The following CHRNA6 variants were observed in gnomAD, a reference collection of about 807,000 sequenced individuals.
CHRNA6 encodes the protein cholinergic receptor nicotinic alpha 6 subunit.
In CHRNA6, 31 loss-of-function variants were observed where a neutral mutation model predicts 40.9. The observed-to-expected ratio is 0.76, with a 90% CI of 0.57 to 1.02. The LOEUF is 1.02. CHRNA6 is among the 50% of genes least tolerant of loss of function. The pLI, the probability that CHRNA6 is intolerant of heterozygous loss-of-function variation, is 0.00. For synonymous variants in CHRNA6, 222 were observed against 221.3 expected, an observed-to-expected ratio of 1.00 and a Z score of -0.03; for missense variants, 546 against 596.6, an observed-to-expected ratio of 0.92 and a Z score of 0.88.
At position 42,757,014 on chromosome 8, in the gene CHRNA6, G is replaced by A; in HGVS notation, c.288C>T (p.Arg96=). Residue 96 remains arginine, a synonymous_variant, in exon 4 of 6, where the codon CGC becomes CGT. Coordinates refer to ENST00000276410, the MANE Select transcript of CHRNA6 (RefSeq NM_004198.3). The stretch of plus-strand genomic sequence containing the variant: ...TGCCATCATATTCCATTGGATCCCA[G>A]CGCAATTTATAATCATTCCAGATCT... ...LRHIWNDYKL[R]WDPMEYDGIE... 6.2e-7 allele frequency: 1 copy of A among 1,612,266 alleles called. No individual in the cohort carries two copies. Among genetic ancestry groups the A allele is most frequent in the Non-Finnish European group, 8.5e-7 (1 of 1,178,408 alleles).
intron 3 of CHRNA6, among the ~76,000 whole-genome samples, chr8:42,758,482 C>T (rs1816845066): frequency 6.6e-6 from 1 of 152,018 alleles, no homozygotes; most frequent in African/African-American, 2.4e-5. Flanking sequence ...GCCTCAGCCT[C>T]CCGAGTAGCT....
In CHRNA6 at chr8:42,756,967, G is replaced by A. The variant is rs141518931; in HGVS notation, c.335C>T (p.Ala112Val). The change falls in exon 4 of 6, where the codon GCA becomes GTA. Residue 112 changes from alanine (A) to valine (V), a missense_variant. Coordinates refer to ENST00000276410, the MANE Select transcript of CHRNA6 (RefSeq NM_004198.3). ...YDGIETLRVP[A>V]DKIWKPDIVL... ...AATGTCGGGCTTCCAAATCTTATCT[G>A]CAGGAACGCGAAGAGTCTCAATGCC... 2.4e-5 allele frequency: 38 copies of A among 1,613,800 alleles called. No homozygotes were observed. The highest frequency in any genetic ancestry group is 2.7e-5 in the Non-Finnish European group (32 of 1,179,796).
Position 42,768,761 on chromosome 8 carries a change from C to T in CHRNA6, c.-331G>A, listed in dbSNP as rs1195818169. The T allele has an allele frequency of 4.4e-6, 1 of 228,508 alleles. No homozygotes were observed. Among genetic ancestry groups the T allele is most frequent in the Non-Finnish European group, 8.8e-6 (1 of 113,796 alleles). The allele number at this position is 228,508 out of a possible 1,614,324, so 14.2% of individuals were successfully genotyped here. A position where few individuals can be genotyped will look rare whatever the true frequency, so the allele number is the denominator to read the frequency against. Reference sequence around the variant, plus strand: ...GCAGACAGGACCCCGGGAGGATGAACACCTGTGAGTGGCTGAGATCTTTCT... The same window carrying T: ...GCAGACAGGACCCCGGGAGGATGAATACCTGTGAGTGGCTGAGATCTTTCT... On this transcript the variant is annotated 5_prime_UTR_variant, in exon 1 of 6. Coordinates refer to ENST00000276410, the MANE Select transcript of CHRNA6 (RefSeq NM_004198.3).
chr8:42,757,626 C>T (rs947490545), intron 3 of CHRNA6, among the ~76,000 whole-genome samples: 1 of 144,766 alleles, frequency 6.9e-6, no homozygotes, highest in Non-Finnish European at 1.5e-5. Flanking sequence ...CCAGCTACTC[C>T]GGAGGCTGAG....
In CHRNA6 at chr8:42,768,592, A is replaced by C; in HGVS notation, c.-162T>G. 1.8e-6 allele frequency: 1 copy of C among 563,530 alleles called. No individual in the cohort carries two copies. The highest frequency in any genetic ancestry group is 2.5e-5 in the South Asian group (1 of 39,690). 34.9% of individuals were successfully genotyped at this position (563,530 alleles called of 1,614,324 possible). ...AACATCCCCGGGACTTCACACGGTT[A>C]TTACCAGGATCAGAGACTGAGGCAG... On this transcript the variant is annotated 5_prime_UTR_variant, in exon 1 of 6. Coordinates refer to ENST00000276410, the MANE Select transcript of CHRNA6 (RefSeq NM_004198.3).
chr8:42,754,462 C>A (rs1483277069), intron 5 of CHRNA6, among the ~76,000 whole-genome samples: 2 of 152,186 alleles, frequency 1.3e-5, no homozygotes, highest in Non-Finnish European at 2.9e-5. Context: ...CCATGTGCCA[C>A]CATGCCCTAC....
chr8:42,757,568 C>CAAA (rs1554594122), intron 3 of CHRNA6, among the ~76,000 whole-genome samples: 1 of 115,146 alleles, frequency 8.7e-6, no homozygotes, highest in African/African-American at 2.9e-5. Context: ...ACTAAAAATA[C>CAAA]AAAAAAAAAA....
intron 5 of CHRNA6, among the ~76,000 whole-genome samples, chr8:42,754,996 T>G (rs1816772544): frequency 6.6e-6 from 1 of 151,510 alleles, no homozygotes; most frequent in South Asian, 2.1e-4. Context: ...TGGGGCAGCT[T>G]TTCTCTTTCT....
At chr8:42,760,432 A>C (rs2128911903) in intron 2 of CHRNA6, among the ~76,000 whole-genome samples, 1 of 151,010 alleles carries the variant, frequency 6.6e-6, no homozygotes, top group African/African-American at 2.4e-5. Flanking sequence ...ACTCTCATAC[A>C]CACACTCGTA....
chr8:42,753,816 C>T (rs996740812), intron 5 of CHRNA6, among the ~76,000 whole-genome samples: 16 of 152,274 alleles, frequency 1.1e-4, no homozygotes, highest in South Asian at 2.1e-4. Context: ...GCAGAGTCTG[C>T]GGCAAAGCCC....
rs764054092 is a variant in CHRNA6 at position 42,756,734 on chromosome 8, C to A, written c.465G>T (p.Lys155Asn). 1 of 1,613,834 alleles carries A rather than the reference C, an allele frequency of 6.2e-7. No individual in the cohort carries two copies. Among genetic ancestry groups the A allele is most frequent in the South Asian group, 1.1e-5 (1 of 90,974 alleles). ...AGGTGATATCCATAGGGCAGGAACT[C>A]TTAAAAATAGCTGGTGGAGTCCAGG... ...MITWTPPAIF[K>N]SSCPMDITFF... Residue 155 changes from lysine (K) to asparagine (N), a missense_variant, in exon 5 of 6, where the codon AAG becomes AAT. Lys to Asn is a moderately conservative substitution (Grantham distance 94, BLOSUM62 0). Coordinates refer to ENST00000276410, the MANE Select transcript of CHRNA6 (RefSeq NM_004198.3).
At chr8:42,760,248 T>C (rs980858644) in intron 2 of CHRNA6, among the ~76,000 whole-genome samples, 1 of 151,112 alleles carries the variant, frequency 6.6e-6, no homozygotes, top group African/African-American at 2.4e-5. Context: ...CGCACACTCA[T>C]GCACACTCAC....
rs1817000818 is a variant in CHRNA6, at chr8:42,768,400, G to A, written c.31C>T (p.His11Tyr). The A allele has an allele frequency of 6.2e-7, 1 of 1,614,076 alleles. No individual in the cohort carries two copies. The highest frequency in any genetic ancestry group is 8.5e-7 in the Non-Finnish European group (1 of 1,179,938). The change falls in exon 1 of 6, where the codon CAT becomes TAT. Residue 11 changes from histidine (H) to tyrosine (Y), a missense_variant. Physicochemically the swap from His to Tyr is moderately conservative, Grantham distance 83 (BLOSUM62 2). Transcript: ENST00000276410. ...CACAGCCAGAGACACAAGCCCCCAT[G>A]AAGGAATCCCTGCCCCTTGCTGGTC... The part of the protein sequence containing the change: MLTSKGQGFL[H>Y]GGLCLWLCVF...
At position 42,768,532 on chromosome 8, in the gene CHRNA6, C is replaced by A; in HGVS notation, c.-102G>T. On this transcript the variant is annotated 5_prime_UTR_variant, in exon 1 of 6. Transcript: ENST00000276410. ...ATCCAACCTTGACATCATCAGAAGCCCACTGCAATCCGTGTGTGTCTTCTC... is the reference window on the plus strand; with the variant it reads ...ATCCAACCTTGACATCATCAGAAGCACACTGCAATCCGTGTGTGTCTTCTC... The A allele has an allele frequency of 1.3e-6, 1 of 768,750 alleles. No individual in the cohort carries two copies. 47.6% of individuals were successfully genotyped at this position (768,750 alleles called of 1,614,324 possible).
chr8:42,767,171 G>A (rs1667179216), intron 1 of CHRNA6, among the ~76,000 whole-genome samples: 1 of 152,286 alleles, frequency 6.6e-6, no homozygotes, highest in Non-Finnish European at 1.5e-5. Flanking sequence ...GTTTCACCGT[G>A]TTAGCCAGGA....
chr8:42,756,928 T>G lies in CHRNA6; in HGVS notation c.374A>C (p.Asn125Thr), dbSNP rs199650282. 12 of 1,612,942 alleles carry G rather than the reference T, an allele frequency of 7.4e-6. No individual in the cohort carries two copies. The highest frequency in any genetic ancestry group is 2.2e-5 in the South Asian group (2 of 91,056). The change falls in exon 4 of 6, where the codon AAT (asparagine) becomes ACT (threonine). Residue 125 changes from asparagine to threonine, a missense_variant and splice_region_variant. This residue lies in a region of CHRNA6 where 476 missense variants were observed against 494.5 expected (regional missense o/e 0.96). Coordinates refer to ENST00000276410, the MANE Select transcript of CHRNA6 (RefSeq NM_004198.3). The part of the protein sequence containing the change: ...IWKPDIVLYN[N>T]AVGDFQVEGK... ...GGCTACGGTGGTCAGAGACCCATAC[T>G]TGTTATAGAGAACAATGTCGGGCTT...
chr8:42,758,665 A>G (rs1816848223), intron 3 of CHRNA6, among the ~76,000 whole-genome samples: 2 of 152,152 alleles, frequency 1.3e-5, no homozygotes, highest in South Asian at 2.1e-4. Context: ...CACCCCTCCA[A>G]GACTTTCTTA....
At chr8:42,767,017 T>G (rs28501554) in intron 1 of CHRNA6, among the ~76,000 whole-genome samples, 53,728 of 152,186 alleles carry the variant, frequency 0.35, 13,492 homozygotes, top group African/African-American at 0.71. Context: ...CCAGGCATGG[T>G]CATGCAGTGG....
At position 42,756,350 on chromosome 8, in the gene CHRNA6, A is replaced by C. The variant is rs199769813; in HGVS notation, c.849T>G (p.Thr283=). Residue 283 remains threonine, a synonymous_variant, in exon 5 of 6, where the codon ACT becomes ACG. Coordinates refer to ENST00000276410, the MANE Select transcript of CHRNA6 (RefSeq NM_004198.3). ...TTTCTGTGATGACCAGCAAAAACAC[A>C]GTCAGAGAAAGCAGGACTGAAATAC... The part of the protein sequence containing the change: ...TLCISVLLSL[T]VFLLVITETI... 2.8e-5 allele frequency: 46 copies of C among 1,614,266 alleles called. No homozygotes were observed. The East Asian group carries it at 9.8e-4, about 34-fold the overall frequency.
Sources: allele counts gnomAD v4.1 joint callset (sites outside exome capture counted in the v4.1 genomes callset), GRCh38; gene constraint gnomAD v4.1.1; regional missense constraint gnomAD v4.1.1; transcripts MANE v1.5; gene names NCBI Gene and HGNC (gene_info 2026-07-23, HGNC 2026-07-21).